DPYD: variants seen among roughly 807,000 people sequenced by gnomAD.
DPYD encodes the protein dihydropyrimidine dehydrogenase [NADP(+)].
Under a neutral mutation model 116.2 loss-of-function variants are expected in DPYD, and 109 were observed. The observed-to-expected ratio is 0.94, with a 90% CI of 0.80 to 1.10. The LOEUF is 1.10. Ranked by LOEUF, DPYD falls within the 50% of genes least tolerant of loss-of-function variation. DPYD has a pLI of 0.00. For synonymous variants in DPYD, 440 were observed against 432.0 expected (o/e 1.02, Z -0.23); for missense variants, 1,302 against 1,254.5 (o/e 1.04, Z -0.57).
intron 16 of DPYD, among the ~76,000 whole-genome samples, chr1:97,328,021 C>G (rs936313049): frequency 2.0e-5 from 3 of 152,068 alleles, no homozygotes; most frequent in Non-Finnish European, 4.4e-5. Context: ...TATGTTAACA[C>G]AAGGGCAACT....
intron 2 of DPYD, among the ~76,000 whole-genome samples, chr1:97,860,895 G>T (rs1455990970): frequency 6.6e-6 from 1 of 151,696 alleles, no homozygotes; most frequent in African/African-American, 2.4e-5. Flanking sequence ...AAAAAGGAGG[G>T]ACTTAAAAAA....
chr1:97,121,662 A>G (rs189522426), intron 20 of DPYD, among the ~76,000 whole-genome samples: 2 of 152,188 alleles, frequency 1.3e-5, no homozygotes, highest in African/African-American at 4.8e-5. Context: ...TTTGAACTCT[A>G]CAAGAGCTGA....
At chr1:97,710,694 ACCT>A (rs1386382200) in intron 5 of DPYD, among the ~76,000 whole-genome samples, 1 of 151,552 alleles carries the variant, frequency 6.6e-6, no homozygotes, top group East Asian at 1.9e-4. Context: ...TTGTTTAGGT[ACCT>A]CCTATGTCCT....
chr1:97,673,835 T>C lies in DPYD; in HGVS notation c.850+5260A>G, dbSNP rs530184840. 2.0e-5 allele frequency among the ~76,000 whole-genome samples: 3 copies of C among 152,140 alleles called. No homozygotes were observed. The East Asian group carries it at 5.8e-4, about 29-fold the overall frequency. On this transcript the variant is annotated intron_variant, in intron 8 of 22. Transcript: ENST00000370192. The stretch of plus-strand genomic sequence containing the variant: ...ATCAAATAGAAAAAAAGCATCGAAG[T>C]CAAGAACACAAATATGAAAACAAAG...
chr1:97,272,932 G>A (rs111843999), intron 18 of DPYD, among the ~76,000 whole-genome samples: 12 of 152,004 alleles, frequency 7.9e-5, no homozygotes, highest in South Asian at 6.2e-4. Flanking sequence ...GTTTTCTCCC[G>A]TCAGTTTCAG....
At chr1:97,849,610 G>A (rs186492991) in intron 2 of DPYD, among the ~76,000 whole-genome samples, 1 of 151,750 alleles carries the variant, frequency 6.6e-6, no homozygotes, top group African/African-American at 2.4e-5. Flanking sequence ...TAGAAGTTTG[G>A]CACCAGAACC....
chr1:97,177,635 T>G (rs1657382829), intron 20 of DPYD, among the ~76,000 whole-genome samples: 1 of 151,302 alleles, frequency 6.6e-6, no homozygotes, highest in African/African-American at 2.4e-5. Flanking sequence ...AAATAGGGGC[T>G]AAGAGAAAGT....
At chr1:97,743,338 A>G (rs943054516) in intron 3 of DPYD, among the ~76,000 whole-genome samples, 1 of 152,098 alleles carries the variant, frequency 6.6e-6, no homozygotes, top group Non-Finnish European at 1.5e-5. Context: ...TCTGCAGACT[A>G]AAGTGCATCA....
intron 12 of DPYD, among the ~76,000 whole-genome samples, chr1:97,538,803 C>T (rs1244472471): frequency 6.6e-6 from 1 of 152,176 alleles, no homozygotes; most frequent in Non-Finnish European, 1.5e-5. Flanking sequence ...ATTTTAGATT[C>T]AGTATCATTC....
chr1:97,663,164 C>G (rs1306716064), intron 8 of DPYD, among the ~76,000 whole-genome samples: 1 of 152,140 alleles, frequency 6.6e-6, no homozygotes, highest in African/African-American at 2.4e-5. Context: ...CCTCTCCTGC[C>G]CACACTTCTC....
chr1:97,630,726 G>C (rs908377362), intron 8 of DPYD, among the ~76,000 whole-genome samples: 3 of 152,142 alleles, frequency 2.0e-5, no homozygotes, highest in African/African-American at 7.2e-5. Context: ...CAGTAAGAAA[G>C]TATGGTTTTG....
chr1:97,485,830 T>C (rs1678603362), intron 13 of DPYD, among the ~76,000 whole-genome samples: 1 of 152,184 alleles, frequency 6.6e-6, no homozygotes, highest in South Asian at 2.1e-4. Flanking sequence ...GTACACTCAC[T>C]TTCTGTCTTC....
At chr1:97,550,546 A>G (rs1651242083) in intron 11 of DPYD, among the ~76,000 whole-genome samples, 1 of 152,188 alleles carries the variant, frequency 6.6e-6, no homozygotes, top group Non-Finnish European at 1.5e-5. Context: ...CAATTTAGAG[A>G]AAGGGTTGAG....
Position 97,139,409 on chromosome 1 carries a change from T to A in DPYD, c.2623-40777A>T, listed in dbSNP as rs1366503388. On this transcript the variant is annotated intron_variant, in intron 20 of 22. Transcript: ENST00000370192. ...AAATGGCTTCACAAGATGAATCTTT[T>A]AAAGAAAAATCAAAACATTATGAAA... 2.0e-5 allele frequency among the ~76,000 whole-genome samples: 3 copies of A among 152,172 alleles called. No homozygotes were observed. In the East Asian group the frequency reaches 5.8e-4, roughly 29 times the overall value.
At chr1:97,388,128 T>C (rs975532362) in intron 14 of DPYD, among the ~76,000 whole-genome samples, 1 of 152,004 alleles carries the variant, frequency 6.6e-6, no homozygotes, top group Admixed American at 6.6e-5. Flanking sequence ...CAGAGAGACA[T>C]AGAGAAAAGT....
intron 18 of DPYD, among the ~76,000 whole-genome samples, chr1:97,287,918 A>G (rs1337725646): frequency 6.6e-6 from 1 of 152,050 alleles, no homozygotes; most frequent in South Asian, 2.1e-4. Flanking sequence ...AAGTCCCATC[A>G]GTGTGCTGTA....
intron 14 of DPYD, among the ~76,000 whole-genome samples, chr1:97,403,310 C>T (rs937566510): frequency 1.3e-5 from 2 of 152,006 alleles, no homozygotes; most frequent in African/African-American, 4.8e-5. Context: ...ATGTATGTTG[C>T]TTTTGCATCA....
chr1:97,609,339 T>G (rs2100743708), intron 8 of DPYD, among the ~76,000 whole-genome samples: 1 of 152,048 alleles, frequency 6.6e-6, no homozygotes, highest in African/African-American at 2.4e-5. Context: ...AAACCCTAAC[T>G]TGCTGTTTTG....
chr1:97,849,530 G>A (rs942778653), intron 2 of DPYD, among the ~76,000 whole-genome samples: 11 of 150,954 alleles, frequency 7.3e-5, no homozygotes, highest in African/African-American at 1.7e-4. Flanking sequence ...CTGAGAAAAC[G>A]GAAGCCCGGA....
Sources: allele counts gnomAD v4.1 joint callset (sites outside exome capture counted in the v4.1 genomes callset), GRCh38; gene constraint gnomAD v4.1.1; transcripts MANE v1.5; gene names NCBI Gene and HGNC (gene_info 2026-07-23, HGNC 2026-07-21).